Variants in CSF1R observed in about 807,000 individuals in gnomAD.
CSF1R encodes colony stimulating factor 1 receptor.
Under a neutral mutation model 110.0 loss-of-function variants are expected in CSF1R, and 40 were observed. The observed-to-expected ratio is 0.36, with a 90% confidence interval of 0.28 to 0.47. The LOEUF (loss-of-function observed/expected upper bound fraction) is 0.47, where lower values mean the gene tolerates loss of function less well. Ranked by LOEUF, CSF1R falls within the 20% of genes least tolerant of loss-of-function variation. The pLI, the probability that CSF1R is intolerant of heterozygous loss-of-function variation, is 0.99. For missense variants in CSF1R, 1,052 were observed against 1,253.0 expected (o/e 0.84, Z 2.42); for synonymous variants, 523 against 503.4 (o/e 1.04, Z -0.52).
chr5:150,098,486 G>A (rs1759293836), intron 1 of CSF1R: 1 of 152,658 alleles, frequency 6.6e-6, no homozygotes, highest in Admixed American at 6.5e-5. Context: ...CACTCCCACT[G>A]TTTCACTTGG....
rs753211296 is a variant in CSF1R, at chr5:150,080,912, T to TG, written c.161dup (p.Ser55IlefsTer9). Reference sequence around the variant, plus strand: ...CAGAGTACAGGGTCCAGTGAGGTGATGGGGGGCCATCCCATTCCACGCTGC... The same window carrying TG: ...CAGAGTACAGGGTCCAGTGAGGTGATGGGGGGGCCATCCCATTCCACGCTGC... On this transcript the variant is annotated frameshift_variant, in exon 2 of 21. Coordinates refer to ENST00000675795, the MANE Select transcript of CSF1R (RefSeq NM_001288705.3). LOFTEE classifies it high-confidence loss of function. 1.2e-6 allele frequency: 2 copies of TG among 1,614,120 alleles called. No homozygotes were observed. Among genetic ancestry groups the TG allele is most frequent in the Non-Finnish European group, 1.7e-6 (2 of 1,180,004 alleles).
rs142395208 is a variant in CSF1R, at chr5:150,069,048, C to T, written c.1511-718G>A. 8.5e-5 allele frequency among the ~76,000 whole-genome samples: 13 copies of T among 152,312 alleles called. No homozygotes were observed. The East Asian group carries it at 1.4e-3, about 16-fold the overall frequency. ...ACAAAGAGCTTAACACAGTGCCTGG[C>T]GCAGCAGAAGCCTTCAACAAAATGT... On this transcript the variant is annotated intron_variant, in intron 9 of 20. Transcript: ENST00000675795.
intron 13 of CSF1R, 113 bp from the exon 14 acceptor site, chr5:150,059,975 T>G: frequency 1.6e-6 from 2 of 1,229,474 alleles, no homozygotes; most frequent in South Asian, 1.6e-5. Context: ...CATAGCTGAG[T>G]TCTAACCTCG....
intron 10 of CSF1R, among the ~76,000 whole-genome samples, chr5:150,067,738 C>A (rs548823248): frequency 6.6e-6 from 1 of 152,330 alleles, no homozygotes; most frequent in Admixed American, 6.5e-5. Context: ...TCCTCTGCCC[C>A]GTGCTGGGTG....
upstream of CSF1R, among the ~76,000 whole-genome samples, chr5:150,090,111 G>T (rs1182913839): frequency 6.6e-6 from 1 of 152,082 alleles, no homozygotes; most frequent in East Asian, 1.9e-4. Context: ...CATGACCTTG[G>T]AATTGGAAAT....
At chr5:150,063,192 A>G (rs1464946289) in intron 10 of CSF1R, among the ~76,000 whole-genome samples, 2 of 152,050 alleles carry the variant, frequency 1.3e-5, no homozygotes, top group Non-Finnish European at 2.9e-5. Context: ...TAATTTTTGT[A>G]GAGACGGGGC....
At position 150,070,517 on chromosome 5, in the gene CSF1R, G is replaced by A. The variant is rs201361036; in HGVS notation, c.1137C>T (p.Tyr379=). 32 of 1,554,150 alleles carry A rather than the reference G, an allele frequency of 2.1e-5. No homozygotes were observed. The change falls in exon 7 of 21, where the codon TAC becomes TAT. Residue 379 remains tyrosine, a synonymous_variant. Transcript: ENST00000675795. ...CTCCTGGGTTTCTGGCCAGGAAGGA[G>A]TAGCGGCCAGCCTCAGAGGGCTTCA... ...PRLKPSEAGR[Y]SFLARNPGGW...
At chr5:150,095,013 G>C (rs1225402554) in intron 1 of CSF1R, 1 of 895,908 alleles carries the variant, frequency 1.1e-6, no homozygotes, top group African/African-American at 1.7e-5. Flanking sequence ...CAACAGGGAG[G>C]ACCAGATCAA....
At chr5:150,086,723 A>T (rs1758863435), upstream of CSF1R, 2 of 383,580 alleles carry the variant, frequency 5.2e-6, no homozygotes, top group African/African-American at 2.0e-5. Flanking sequence ...GCTTGGGGGG[A>T]GCTAGCTAAG....
intron 5 of CSF1R, among the ~76,000 whole-genome samples, chr5:150,074,145 T>G (rs760307571): frequency 3.9e-5 from 6 of 151,972 alleles, no homozygotes. Context: ...GGGCTGAGAG[T>G]TGGGGAGTCA....
At chr5:150,067,644 C>T (rs910913418) in intron 10 of CSF1R, among the ~76,000 whole-genome samples, 8 of 152,196 alleles carry the variant, frequency 5.3e-5, no homozygotes, top group Admixed American at 2.6e-4. Flanking sequence ...ATGATGGTCA[C>T]AGGCCCTCGT....
chr5:150,107,645 C>T (rs1581354638), intron 1 of CSF1R, among the ~76,000 whole-genome samples: 2 of 152,368 alleles, frequency 1.3e-5, no homozygotes, highest in Admixed American at 1.3e-4. Context: ...TGTTCAACCA[C>T]TGTCTTTCAT....
intron 15 of CSF1R, 57 bp from the exon 16 acceptor site, chr5:150,057,441 G>T: frequency 6.2e-7 from 1 of 1,610,164 alleles, no homozygotes; most frequent in Admixed American, 1.7e-5. Flanking sequence ...CCTCACCCCA[G>T]CAGCCCCTTC....
intron 1 of CSF1R, chr5:150,113,176 AG>A (rs1313118429): frequency 1.3e-5 from 2 of 152,552 alleles, no homozygotes; most frequent in Non-Finnish European, 2.9e-5. Context: ...TGCAGCCGTG[AG>A]GGGTCTGGGT....
In CSF1R at chr5:150,086,470, T is replaced by C. The variant is rs752360091; in HGVS notation, c.-43A>G. On this transcript the variant is annotated 5_prime_UTR_variant, in exon 1 of 21. Transcript: ENST00000675795. ...GGCAGGCAGGTGCAGGGCTGCAAGGTGCCCAGGGCACAGAGCTCTCAGCTA... is the reference window on the plus strand; with the variant it reads ...GGCAGGCAGGTGCAGGGCTGCAAGGCGCCCAGGGCACAGAGCTCTCAGCTA... 38 of 1,586,962 alleles carry C rather than the reference T, an allele frequency of 2.4e-5. No individual in the cohort carries two copies. The highest frequency in any genetic ancestry group is 2.1e-4 in the Admixed American group (12 of 56,748).
In CSF1R at chr5:150,069,862, C is replaced by G. The variant is rs753056755; in HGVS notation, c.1510+11G>C. 3 of 1,594,608 alleles carry G rather than the reference C, an allele frequency of 1.9e-6. No individual in the cohort carries two copies. Among genetic ancestry groups the G allele is most frequent in the Non-Finnish European group, 1.7e-6 (2 of 1,167,616 alleles). The stretch of plus-strand genomic sequence containing the variant: ...CGGGGGGGCGGTGCGGGTGCGAAGG[C>G]TCCCTCTCACCTGCAGAGATGGGTA... On this transcript the variant is annotated intron_variant, in intron 9 of 20. Coordinates refer to ENST00000675795, the MANE Select transcript of CSF1R (RefSeq NM_001288705.3).
At chr5:150,086,693 C>T (rs1758862159), upstream of CSF1R, 2 of 441,482 alleles carry the variant, frequency 4.5e-6, no homozygotes, top group East Asian at 6.8e-5. Flanking sequence ...GGGTCGCAGT[C>T]TGGGGCAGGG....
intron 4 of CSF1R, 30 bp downstream of exon 4, chr5:150,078,082 G>C: frequency 1.9e-6 from 3 of 1,613,032 alleles, no homozygotes; most frequent in Non-Finnish European, 2.5e-6. Flanking sequence ...AGGATGGCCA[G>C]ACTTCACCTT....
In CSF1R at chr5:150,094,913, A is replaced by C. The variant is rs1343716661; in HGVS notation, c.-180-8306T>G. 2.4e-6 allele frequency: 3 copies of C among 1,257,168 alleles called. No homozygotes were observed. The African/African-American group carries it at 4.7e-5, about 20-fold the overall frequency. 77.9% of individuals were successfully genotyped at this position (1,257,168 alleles called of 1,614,324 possible). On this transcript the variant is annotated intron_variant, in intron 1 of 21. Transcript: ENST00000286301. Reference sequence around the variant, plus strand: ...CTGTTGGAAAACGCTTCAAAGAGGCAAATAACTTCCTGTGGCCCTTCAAAT... The same window carrying C: ...CTGTTGGAAAACGCTTCAAAGAGGCCAATAACTTCCTGTGGCCCTTCAAAT...
Sources: allele counts gnomAD v4.1 joint callset (sites outside exome capture counted in the v4.1 genomes callset), GRCh38; gene constraint gnomAD v4.1.1; transcripts MANE v1.5; gene names NCBI Gene and HGNC (gene_info 2026-07-23, HGNC 2026-07-21).